Variants in BMP7 observed in about 807,000 individuals in gnomAD.
The protein encoded by BMP7 is bone morphogenetic protein 7.
Under a neutral mutation model 41.2 loss-of-function variants are expected in BMP7, and 12 were observed. That is an observed-to-expected ratio of 0.29 (90% CI 0.19 to 0.47). The LOEUF is 0.47. BMP7 is among the 20% of genes least tolerant of loss of function. The pLI, the probability that BMP7 is intolerant of heterozygous loss-of-function variation, is 0.99. For missense variants in BMP7, 467 were observed against 606.0 expected (o/e 0.77, Z 2.41); for synonymous variants, 248 against 250.0 (o/e 0.99, Z 0.07).
chr20:57,252,494 G>A (rs770435319), intron 1 of BMP7, among the ~76,000 whole-genome samples: 2 of 152,306 alleles, frequency 1.3e-5, no homozygotes, highest in Admixed American at 6.5e-5. Context: ...CCTGAGGAAC[G>A]TCCGAAGATA....
At chr20:57,207,296 G>A (rs557511438) in intron 2 of BMP7, among the ~76,000 whole-genome samples, 1 of 152,232 alleles carries the variant, frequency 6.6e-6, no homozygotes, top group Non-Finnish European at 1.5e-5. Flanking sequence ...AAACCAGAGA[G>A]AGAGAGAAAA....
At chr20:57,233,856 G>T (rs998824764) in intron 1 of BMP7, among the ~76,000 whole-genome samples, 3 of 151,924 alleles carry the variant, frequency 2.0e-5, no homozygotes, top group African/African-American at 7.3e-5. Flanking sequence ...AAAAATTAGG[G>T]GTATGAACCC....
In BMP7 at chr20:57,230,739, C is replaced by T. The variant is rs150012745; in HGVS notation, c.419-2318G>A. 2.2e-3 allele frequency among the ~76,000 whole-genome samples: 332 copies of T among 150,600 alleles called. 2 individuals carry two copies. Among genetic ancestry groups the T allele is most frequent in the African/African-American group, 7.4e-3 (305 of 40,978 alleles). ...TCACCCAGGCTGGAGTGCAGTGGCG[C>T]GATCTCGGCTTACTACAAGCTCCGC... On this transcript the variant is annotated intron_variant, in intron 1 of 6. Coordinates refer to ENST00000395863, the MANE Select transcript of BMP7 (RefSeq NM_001719.3).
In BMP7 at chr20:57,261,190, G is replaced by A. The variant is rs1213555485; in HGVS notation, c.418+4515C>T. Among the ~76,000 whole-genome samples the A allele has an allele frequency of 6.6e-6, 1 of 152,156 alleles. No homozygotes were observed. The highest frequency in any genetic ancestry group is 1.5e-5 in the Non-Finnish European group (1 of 68,034). On this transcript the variant is annotated intron_variant, in intron 1 of 6. Transcript: ENST00000395863. The surrounding 1 kb of genome is among the most constrained non-coding windows in gnomAD (Gnocchi z 4.1). ...TCGCGCACCAGCTGTGTTTATCTCG[G>A]CAAAGGCTTGAGAGCCTACTACGCC...
chr20:57,211,584 AGAT>A (rs1479353303), intron 2 of BMP7, among the ~76,000 whole-genome samples: 1 of 146,342 alleles, frequency 6.8e-6, no homozygotes. Context: ...GGGACTTTGC[AGAT>A]GTGATGAAAG....
chr20:57,227,806 T>A (rs1207178305), intron 2 of BMP7, among the ~76,000 whole-genome samples: 2 of 152,208 alleles, frequency 1.3e-5, no homozygotes, highest in East Asian at 3.8e-4. Flanking sequence ...CTGTTTTTTT[T>A]GGTTTGGGTT....
chr20:57,204,180 G>T (rs1318160700), intron 2 of BMP7, among the ~76,000 whole-genome samples: 1 of 152,110 alleles, frequency 6.6e-6, no homozygotes, highest in Non-Finnish European at 1.5e-5. Context: ...AGTCAACCTC[G>T]TTGGAATGTA....
At chr20:57,249,225 T>C (rs2066102627) in intron 1 of BMP7, among the ~76,000 whole-genome samples, 1 of 152,012 alleles carries the variant, frequency 6.6e-6, no homozygotes, top group Admixed American at 6.6e-5. Flanking sequence ...TAAGTGTAAG[T>C]ATAACACCCA....
chr20:57,191,115 C>A (rs1367614756), intron 3 of BMP7, among the ~76,000 whole-genome samples: 1 of 152,202 alleles, frequency 6.6e-6, no homozygotes, highest in Non-Finnish European at 1.5e-5. Flanking sequence ...AAAGGTGAGT[C>A]ATCGCAGCCG....
chr20:57,250,370 A>T (rs932490484), intron 1 of BMP7, among the ~76,000 whole-genome samples: 9 of 147,696 alleles, frequency 6.1e-5, no homozygotes, highest in Non-Finnish European at 1.3e-4. Context: ...ATATATATAC[A>T]CACACAAAAA....
intron 1 of BMP7, among the ~76,000 whole-genome samples, chr20:57,257,662 C>T (rs1043177249): frequency 6.6e-6 from 1 of 152,106 alleles, no homozygotes; most frequent in Non-Finnish European, 1.5e-5. Context: ...TTAGAAGAGA[C>T]TGCTTAGAAT....
intron 3 of BMP7, among the ~76,000 whole-genome samples, chr20:57,195,377 A>G (rs1432117311): frequency 6.6e-6 from 1 of 152,234 alleles, no homozygotes; most frequent in Non-Finnish European, 1.5e-5. Flanking sequence ...TGGGTGGACC[A>G]AGGCCCAAGT....
intron 1 of BMP7, among the ~76,000 whole-genome samples, chr20:57,239,901 C>A (rs113984095): frequency 3.7e-4 from 56 of 152,306 alleles, no homozygotes; most frequent in African/African-American, 1.2e-3. Flanking sequence ...GCAGGGGGAC[C>A]CAGAGACTGG....
intron 2 of BMP7, among the ~76,000 whole-genome samples, chr20:57,221,027 C>T (rs1251056839): frequency 6.6e-6 from 1 of 152,186 alleles, no homozygotes; most frequent in African/African-American, 2.4e-5. Flanking sequence ...CTGGGTCGTG[C>T]TTTCATCCTT....
intron 1 of BMP7, among the ~76,000 whole-genome samples, chr20:57,265,388 A>G (rs899982691): frequency 2.0e-5 from 3 of 152,370 alleles, no homozygotes; most frequent in Admixed American, 2.0e-4. Context: ...GGGACAGCTC[A>G]CATGACCGAG....
At chr20:57,246,807 G>C (rs1038958595) in intron 1 of BMP7, among the ~76,000 whole-genome samples, 1 of 152,114 alleles carries the variant, frequency 6.6e-6, no homozygotes. Context: ...TGGTCAACAC[G>C]GTGAAACTCC....
At chr20:57,250,504 C>G (rs2066107839) in intron 1 of BMP7, among the ~76,000 whole-genome samples, 1 of 142,642 alleles carries the variant, frequency 7.0e-6, no homozygotes, top group Admixed American at 7.1e-5. Context: ...ACACTCCAGC[C>G]TGGATGACAG....
chr20:57,223,818 G>A (rs1020415430), intron 2 of BMP7, among the ~76,000 whole-genome samples: 1 of 152,146 alleles, frequency 6.6e-6, no homozygotes, highest in Non-Finnish European at 1.5e-5. Flanking sequence ...GGGGGCTAAC[G>A]GCAGGGCAAA....
intron 2 of BMP7, among the ~76,000 whole-genome samples, chr20:57,204,162 C>A (rs931002528): frequency 6.6e-6 from 1 of 152,168 alleles, no homozygotes; most frequent in Non-Finnish European, 1.5e-5. Context: ...TTTTCAGAGC[C>A]TTTCACCAGT....
Sources: allele counts gnomAD v4.1 joint callset (sites outside exome capture counted in the v4.1 genomes callset), GRCh38; gene constraint gnomAD v4.1.1; non-coding constraint Gnocchi (gnomAD v3.1); transcripts MANE v1.5; gene names NCBI Gene and HGNC (gene_info 2026-07-23, HGNC 2026-07-21).